ROBO2: variants seen among roughly 807,000 people sequenced by gnomAD.
ROBO2 encodes roundabout guidance receptor 2.
In ROBO2, 53 loss-of-function variants were observed where a neutral mutation model predicts 160.8. The ratio of observed to expected loss-of-function variants is 0.33; its 90% confidence interval spans 0.26 to 0.41. The LOEUF (loss-of-function observed/expected upper bound fraction) is 0.41, where lower values mean the gene tolerates loss of function less well. ROBO2 is among the 10% of genes least tolerant of loss of function. The pLI, the probability that ROBO2 is intolerant of heterozygous loss-of-function variation, is 1.00. For synonymous variants in ROBO2, 664 were observed against 611.7 expected, an observed-to-expected ratio of 1.09 and a Z score of -1.26; for missense variants, 1,577 against 1,722.4, an observed-to-expected ratio of 0.92 and a Z score of 1.49.
At chr3:77,503,353 G>T (rs921008924) in intron 5 of ROBO2, among the ~76,000 whole-genome samples, 16 of 151,112 alleles carry the variant, frequency 1.1e-4, no homozygotes, top group Non-Finnish European at 2.4e-4. Context: ...GTGAAACCCC[G>T]TCTCTACTAA....
Position 77,445,794 on chromosome 3 carries a change from GTTTTTTTTT to G in ROBO2, c.389-31611_389-31603del, listed in dbSNP as rs199914360. Among the ~76,000 whole-genome samples the G allele has an allele frequency of 1.9e-4, 23 of 123,096 alleles. No individual in the cohort carries two copies. The East Asian group carries it at 5.9e-3, about 31-fold the overall frequency. The allele number at this position is 123,096 out of a possible 152,430, so 80.8% of individuals were successfully genotyped here. A position where few individuals can be genotyped will look rare whatever the true frequency, so the allele number is the denominator to read the frequency against. ...TTAAACAATTAAAAGGTTTTTTTTT[GTTTTTTTTT>G]TTTTTTTTGCTAATTTTAGTATAGC... On this transcript the variant is annotated intron_variant, in intron 2 of 25. Coordinates refer to ENST00000461745, the Ensembl canonical transcript of ROBO2.
chr3:76,355,044 ATGTG>A (rs373836406), intron 2 of ROBO2, among the ~76,000 whole-genome samples: 1 of 148,904 alleles, frequency 6.7e-6, no homozygotes, highest in Non-Finnish European at 1.5e-5. Flanking sequence ...GTGTATGTGT[ATGTG>A]TGTGTGTGTG....
chr3:76,045,677 T>C (rs1211266513), intron 2 of ROBO2, among the ~76,000 whole-genome samples: 1 of 152,036 alleles, frequency 6.6e-6, no homozygotes, highest in Admixed American at 6.5e-5. Context: ...TTAGAACTGA[T>C]TATTTTGTGC....
chr3:76,213,433 C>G (rs1357264490), intron 2 of ROBO2, among the ~76,000 whole-genome samples: 1 of 152,070 alleles, frequency 6.6e-6, no homozygotes, highest in East Asian at 1.9e-4. Context: ...CTAGACTATA[C>G]TCTTAGTGTT....
intron 2 of ROBO2, among the ~76,000 whole-genome samples, chr3:77,412,744 G>A (rs905571709): frequency 2.0e-5 from 3 of 152,154 alleles, no homozygotes; most frequent in African/African-American, 7.2e-5. Context: ...CATTTCCTGA[G>A]GCTCTCTGCT....
intron 2 of ROBO2, among the ~76,000 whole-genome samples, chr3:76,193,649 T>C (rs571403727): frequency 1.3e-5 from 2 of 152,340 alleles, no homozygotes; most frequent in South Asian, 2.1e-4. Context: ...GGAAAATCTT[T>C]CGAAACTTAC....
chr3:76,321,531 C>A (rs1253448123), intron 2 of ROBO2, among the ~76,000 whole-genome samples: 1 of 151,554 alleles, frequency 6.6e-6, no homozygotes. Flanking sequence ...CAACTATATG[C>A]TACGTGTATC....
At chr3:75,992,065 AG>A (rs2065588609) in intron 2 of ROBO2, among the ~76,000 whole-genome samples, 1 of 152,174 alleles carries the variant, frequency 6.6e-6, no homozygotes, top group South Asian at 2.1e-4. Context: ...AGAGCATAAA[AG>A]TTTGGAAAAT....
intron 2 of ROBO2, among the ~76,000 whole-genome samples, chr3:77,361,269 A>G (rs1400517155): frequency 6.6e-6 from 1 of 152,200 alleles, no homozygotes; most frequent in Admixed American, 6.5e-5. Flanking sequence ...GTTTTCAGAC[A>G]TACTTTTTCA....
At chr3:77,597,875 C>A (rs749382273) in intron 19 of ROBO2, among the ~76,000 whole-genome samples, 1 of 152,020 alleles carries the variant, frequency 6.6e-6, no homozygotes, top group Non-Finnish European at 1.5e-5. Flanking sequence ...AACAAAGGAC[C>A]TTTTAAGCCA....
At chr3:76,944,221 T>A (rs2078373073) in intron 2 of ROBO2, among the ~76,000 whole-genome samples, 1 of 152,144 alleles carries the variant, frequency 6.6e-6, no homozygotes, top group African/African-American at 2.4e-5. Flanking sequence ...ATATTTTGTA[T>A]ACATACTACA....
chr3:77,350,338 A>G (rs2068186841), intron 2 of ROBO2, among the ~76,000 whole-genome samples: 1 of 151,998 alleles, frequency 6.6e-6, no homozygotes, highest in Non-Finnish European at 1.5e-5. Context: ...CTTGGGTGAC[A>G]ATGTGGGACC....
intron 2 of ROBO2, among the ~76,000 whole-genome samples, chr3:77,471,254 T>C (rs2153580126): frequency 6.6e-6 from 1 of 152,250 alleles, no homozygotes; most frequent in South Asian, 2.1e-4. Flanking sequence ...AAAAAAAAAT[T>C]CTAAGAACTA....
At chr3:76,008,163 A>T (rs1428231042) in intron 2 of ROBO2, among the ~76,000 whole-genome samples, 2 of 131,326 alleles carry the variant, frequency 1.5e-5, no homozygotes, top group Non-Finnish European at 3.1e-5. Context: ...CGAACCTGGG[A>T]GGTGGAGGTT....
chr3:76,406,439 A>C (rs2078128355), intron 2 of ROBO2, among the ~76,000 whole-genome samples: 1 of 151,858 alleles, frequency 6.6e-6, no homozygotes, highest in Non-Finnish European at 1.5e-5. Flanking sequence ...TAGTCCTTGT[A>C]TGGATAGCAG....
At chr3:75,978,920 C>T (rs1193985161) in intron 2 of ROBO2, among the ~76,000 whole-genome samples, 2 of 151,416 alleles carry the variant, frequency 1.3e-5, no homozygotes, top group Non-Finnish European at 3.0e-5. Context: ...TTTGCTTTCT[C>T]ACTGGCTCCT....
chr3:76,908,572 C>T (rs1327047314), intron 2 of ROBO2, among the ~76,000 whole-genome samples: 1 of 152,160 alleles, frequency 6.6e-6, no homozygotes, highest in Non-Finnish European at 1.5e-5. Context: ...AGCCCTTACA[C>T]TCAAAACTTT....
At chr3:76,798,303 A>AGAAT (rs2063920227) in intron 2 of ROBO2, among the ~76,000 whole-genome samples, 1 of 151,174 alleles carries the variant, frequency 6.6e-6, no homozygotes, top group African/African-American at 2.4e-5. Flanking sequence ...AAAGAAAGAA[A>AGAAT]GAAAGAAAGA....
At chr3:76,774,111 C>G (rs1179939779) in intron 2 of ROBO2, among the ~76,000 whole-genome samples, 1 of 150,898 alleles carries the variant, frequency 6.6e-6, no homozygotes, top group Non-Finnish European at 1.5e-5. Flanking sequence ...AAATCATAAA[C>G]ACAATTAAGA....
Sources: gnomAD v4.1 joint callset for allele counts (sites outside exome capture counted in the v4.1 genomes callset) on GRCh38, gnomAD v4.1.1 for gene constraint, MANE v1.5 for transcripts, NCBI Gene and HGNC (gene_info 2026-07-23, HGNC 2026-07-21) for gene names.